Variants in ACTN4 observed in about 807,000 individuals in gnomAD.
ACTN4 encodes actinin alpha 4, also known as alpha-actinin-4.
Under a neutral mutation model 114.2 loss-of-function variants are expected in ACTN4, and 18 were observed. The ratio of observed to expected loss-of-function variants is 0.16; its 90% CI spans 0.11 to 0.23. The LOEUF (loss-of-function observed/expected upper bound fraction) is 0.23, where lower values mean the gene tolerates loss of function less well. Among genes scored for constraint, ACTN4 ranks in the 10% least tolerant of loss-of-function variants. The pLI is 1.00. For missense variants in ACTN4, 722 were observed against 1,262.9 expected (o/e 0.57, Z 6.49); for synonymous variants, 515 against 506.3 (o/e 1.02, Z -0.23).
chr19:38,673,699 A>AC (rs1372813507), intron 1 of ACTN4, among the ~76,000 whole-genome samples: 9 of 61,478 alleles, frequency 1.5e-4, no homozygotes, highest in Non-Finnish European at 2.3e-4. Flanking sequence ...TATTATATAT[A>AC]TTTATATATT....
chr19:38,650,018 G>C (rs933204288), intron 1 of ACTN4, among the ~76,000 whole-genome samples: 3 of 152,154 alleles, frequency 2.0e-5, no homozygotes, highest in African/African-American at 7.2e-5. Context: ...CTGTTCTGGA[G>C]TCTCAACAAT....
intron 1 of ACTN4, among the ~76,000 whole-genome samples, chr19:38,673,519 A>G (rs1300085897): frequency 1.7e-5 from 2 of 115,172 alleles, no homozygotes; most frequent in African/African-American, 6.8e-5. Context: ...ATATATATTT[A>G]TATATATTCA....
chr19:38,669,227 T>TCAC (rs1489822884), intron 1 of ACTN4, among the ~76,000 whole-genome samples: 4 of 152,148 alleles, frequency 2.6e-5, no homozygotes, highest in Non-Finnish European at 5.9e-5. Context: ...CCTCAGGTGA[T>TCAC]CCACTGCCTT....
At chr19:38,651,630 T>C (rs1420648836) in intron 1 of ACTN4, among the ~76,000 whole-genome samples, 1 of 152,162 alleles carries the variant, frequency 6.6e-6, no homozygotes, top group Non-Finnish European at 1.5e-5. Context: ...CGTTGGCTTT[T>C]TTTTTGGAGA....
chr19:38,680,794 A>G (rs1267188201), intron 1 of ACTN4, among the ~76,000 whole-genome samples: 1 of 151,900 alleles, frequency 6.6e-6, no homozygotes, highest in Non-Finnish European at 1.5e-5. Flanking sequence ...TATTCCTACC[A>G]TTGTCCTTAC....
intron 1 of ACTN4, among the ~76,000 whole-genome samples, chr19:38,678,563 A>G (rs534646765): frequency 3.1e-4 from 47 of 152,312 alleles, no homozygotes; most frequent in African/African-American, 9.4e-4. Context: ...AGTCAGTACC[A>G]TGGAAAATCT....
intron 19 of ACTN4, chr19:38,728,448 T>TCCTCCCCCTC: frequency 1.4e-6 from 1 of 730,356 alleles, no homozygotes; most frequent in Non-Finnish European, 1.7e-6. Context: ...CTCCTCCTCC[T>TCCTCCCCCTC]CCCCCCCACC....
At chr19:38,651,635 T>A (rs1168779485) in intron 1 of ACTN4, among the ~76,000 whole-genome samples, 2 of 152,206 alleles carry the variant, frequency 1.3e-5, no homozygotes, top group Non-Finnish European at 2.9e-5. Context: ...GCTTTTTTTT[T>A]GGAGACGGAG....
At chr19:38,653,072 C>T (rs1470631148) in intron 1 of ACTN4, among the ~76,000 whole-genome samples, 11 of 128,788 alleles carry the variant, frequency 8.5e-5, no homozygotes, top group Middle Eastern at 4.7e-3. Context: ...AGTGACAGAA[C>T]AAGACTCCAT....
intron 3 of ACTN4, among the ~76,000 whole-genome samples, chr19:38,702,408 T>C (rs1351732271): frequency 1.3e-5 from 2 of 152,126 alleles, no homozygotes; most frequent in Non-Finnish European, 2.9e-5. Context: ...GAGCATTGGC[T>C]TCCCGTGGGG....
chr19:38,727,955 G>C lies in ACTN4; in HGVS notation c.2347G>C (p.Gly783Arg). Reference sequence around the variant, plus strand: ...CGGATGGCCCCGGCAGGATCATGGCGGGGCGCTGGGGCCCGAGGAGTTCAA... The same window carrying C: ...CGGATGGCCCCGGCAGGATCATGGCCGGGCGCTGGGGCCCGAGGAGTTCAA... Reference protein sequence around the residue: ...SFNHFDKDHGGALGPEEFKAC... With the variant: ...SFNHFDKDHGRALGPEEFKAC... The change falls in exon 19 of 21, where the codon GGG becomes CGG. Residue 783 changes from glycine (G) to arginine (R), a missense_variant. Transcript: ENST00000252699. The surrounding 1 kb of genome is among the most constrained non-coding windows in gnomAD (Gnocchi z 5.4). 6.2e-7 allele frequency: 1 copy of C among 1,612,476 alleles called. No homozygotes were observed. Among genetic ancestry groups the C allele is most frequent in the Non-Finnish European group, 8.5e-7 (1 of 1,179,768 alleles).
rs553636925 is a variant in ACTN4 at position 38,724,823 on chromosome 19, G to T, written c.2010+258G>T. Among the ~76,000 whole-genome samples, 1 of 152,236 alleles carries T rather than the reference G, an allele frequency of 6.6e-6. No homozygotes were observed. The highest frequency in any genetic ancestry group is 2.4e-5 in the African/African-American group (1 of 41,456). ...GTTCGAGACCAGCCTGGGCAACATA[G>T]TGAGACCCCAACTCTACAAAAAATA... is the stretch of plus-strand genomic sequence containing the variant. On this transcript the variant is annotated intron_variant, in intron 16 of 20. Coordinates refer to ENST00000252699, the MANE Select transcript of ACTN4 (RefSeq NM_004924.6). This position sits in a 1 kb window ranked among gnomAD's most constrained non-coding sequence, Gnocchi z 7.0.
intron 19 of ACTN4, 78 bp from the exon 20 acceptor site, chr19:38,728,918 G>C (rs1969366178): frequency 1.9e-6 from 3 of 1,578,642 alleles, no homozygotes; most frequent in Non-Finnish European, 1.7e-6. Flanking sequence ...TGTTTCCCTG[G>C]AGACCCCACC....
chr19:38,648,038 T>A (rs73933036), intron 1 of ACTN4, 131 bp downstream of exon 1: 1 of 1,135,664 alleles, frequency 8.8e-7, no homozygotes, highest in Admixed American at 3.9e-5. Flanking sequence ...AATTGGCGGG[T>A]CCGGGAAGGG....
chr19:38,705,991 G>A, intron 4 of ACTN4, 53 bp from the exon 5 acceptor site: 2 of 1,597,454 alleles, frequency 1.3e-6, no homozygotes, highest in Non-Finnish European at 8.6e-7. Flanking sequence ...CTTGGGCTGA[G>A]TTCTGAGGGT....
In ACTN4 at chr19:38,727,570, C is replaced by T. The variant is rs546879326; in HGVS notation, c.2338-376C>T. ...TGCAGCCTCAGCTCTGCACCTGGCG[C>T]CCCCAGGACAGGATACAGTCCCCTC... On this transcript the variant is annotated intron_variant, in intron 18 of 20. Transcript: ENST00000252699. This position sits in a 1 kb window ranked among gnomAD's most constrained non-coding sequence, Gnocchi z 5.4. Among the ~76,000 whole-genome samples the T allele has an allele frequency of 1.3e-5, 2 of 152,114 alleles. No homozygotes were observed. The highest frequency in any genetic ancestry group is 4.2e-4 in the South Asian group (2 of 4,818).
rs994032751 is a variant in ACTN4, at chr19:38,730,638, G to A, written c.*1206G>A. On this transcript the variant is annotated 3_prime_UTR_variant, in exon 21 of 21. Transcript: ENST00000252699. ...TTAAGCTGTCAACGTGGACTAGCTC[G>A]TGTCATCTGCTCGAGAAGGGCTGTC... 21 of 624,334 alleles carry A rather than the reference G, an allele frequency of 3.4e-5. No homozygotes were observed. Among genetic ancestry groups the A allele is most frequent in the Admixed American group, 1.0e-4 (4 of 38,436 alleles). The allele number at this position is 624,334 out of a possible 1,614,324, so 38.7% of individuals were successfully genotyped here.
intron 1 of ACTN4, among the ~76,000 whole-genome samples, chr19:38,670,784 G>A (rs2471413): frequency 1.6e-4 from 24 of 151,928 alleles, no homozygotes; most frequent in Admixed American, 8.5e-4. Context: ...TTAGCTGAGC[G>A]TGGTGGCTTG....
intron 1 of ACTN4, among the ~76,000 whole-genome samples, chr19:38,648,701 G>T (rs960813530): frequency 6.6e-6 from 1 of 151,942 alleles, no homozygotes; most frequent in Non-Finnish European, 1.5e-5. Flanking sequence ...TTCCAAAGGG[G>T]AGAAGATTAA....
Sources: allele counts gnomAD v4.1 joint callset (sites outside exome capture counted in the v4.1 genomes callset), GRCh38; gene constraint gnomAD v4.1.1; non-coding constraint Gnocchi (gnomAD v3.1); transcripts MANE v1.5; gene names NCBI Gene and HGNC (gene_info 2026-07-23, HGNC 2026-07-21).